Variants in CDH12 observed in about 807,000 individuals in gnomAD.
CDH12 encodes the protein cadherin 12.
A neutral mutation model predicts 74.1 loss-of-function variants in CDH12; 41 were observed. The observed-to-expected ratio is 0.55, with a 90% CI of 0.43 to 0.72. The LOEUF is 0.72. CDH12 is among the 30% of genes least tolerant of loss of function. CDH12 has a pLI of 0.00. For synonymous variants in CDH12, 399 were observed against 355.0 expected (o/e 1.12, Z -1.39); for missense variants, 945 against 977.2 (o/e 0.97, Z 0.44).
intron 5 of CDH12, among the ~76,000 whole-genome samples, chr5:22,061,189 A>C (rs1225708231): frequency 6.6e-6 from 1 of 152,202 alleles, no homozygotes; most frequent in Non-Finnish European, 1.5e-5. Context: ...AAATTTTCTT[A>C]TGAAATTTCT....
chr5:22,076,970 C>T (rs1424592357), intron 5 of CDH12, among the ~76,000 whole-genome samples: 1 of 151,930 alleles, frequency 6.6e-6, no homozygotes, highest in Non-Finnish European at 1.5e-5. Flanking sequence ...TGAGGTTGGC[C>T]CCGTGCCACT....
intron 2 of CDH12, among the ~76,000 whole-genome samples, chr5:22,426,636 T>C (rs1743952710): frequency 6.6e-6 from 1 of 152,156 alleles, no homozygotes; most frequent in Admixed American, 6.5e-5. Flanking sequence ...GGCATACAGA[T>C]GGATTTATTT....
chr5:22,779,319 T>C (rs1383831590), intron 1 of CDH12, among the ~76,000 whole-genome samples: 1 of 151,758 alleles, frequency 6.6e-6, no homozygotes, highest in Non-Finnish European at 1.5e-5. Flanking sequence ...TATAAACAAA[T>C]ACATTTCACA....
At chr5:22,657,046 C>T (rs1255889160) in intron 1 of CDH12, among the ~76,000 whole-genome samples, 1 of 152,022 alleles carries the variant, frequency 6.6e-6, no homozygotes, top group Non-Finnish European at 1.5e-5. Flanking sequence ...CCATGCCTGC[C>T]CACATTTTTA....
At chr5:22,661,017 A>G (rs1740318633) in intron 1 of CDH12, among the ~76,000 whole-genome samples, 1 of 152,174 alleles carries the variant, frequency 6.6e-6, no homozygotes. Context: ...GTAACTTTCT[A>G]AATTCTTTGT....
intron 3 of CDH12, among the ~76,000 whole-genome samples, chr5:22,324,164 CAA>C (rs1397485041): frequency 6.6e-6 from 1 of 151,958 alleles, no homozygotes; most frequent in Non-Finnish European, 1.5e-5. Flanking sequence ...TATAACAAAG[CAA>C]TTTTATTTAA....
At chr5:22,394,791 C>T (rs1742389156) in intron 3 of CDH12, among the ~76,000 whole-genome samples, 2 of 152,020 alleles carry the variant, frequency 1.3e-5, no homozygotes, top group African/African-American at 4.8e-5. Context: ...AGAAATTTTG[C>T]CTCAAGATGA....
intron 2 of CDH12, among the ~76,000 whole-genome samples, chr5:22,423,147 A>C (rs537791250): frequency 2.0e-5 from 3 of 150,902 alleles, no homozygotes; most frequent in Non-Finnish European, 2.9e-5. Context: ...TCTCCATCAC[A>C]ATTTGTGCTA....
At chr5:21,922,069 G>A (rs1310264904) in intron 6 of CDH12, among the ~76,000 whole-genome samples, 1 of 152,080 alleles carries the variant, frequency 6.6e-6, no homozygotes, top group African/African-American at 2.4e-5. Context: ...AGGTAGAAAC[G>A]TCTCTGTGAT....
chr5:22,848,008 T>C (rs1215619741), intron 1 of CDH12, among the ~76,000 whole-genome samples: 1 of 152,072 alleles, frequency 6.6e-6, no homozygotes, highest in African/African-American at 2.4e-5. Context: ...CTCAGCCTCC[T>C]GAGTAGCTGG....
At chr5:21,915,351 A>T (rs915121723) in intron 6 of CDH12, among the ~76,000 whole-genome samples, 17 of 152,186 alleles carry the variant, frequency 1.1e-4, no homozygotes, top group African/African-American at 4.1e-4. Context: ...ACAAACAAAA[A>T]AATTCAGGAA....
intron 4 of CDH12, among the ~76,000 whole-genome samples, chr5:22,192,897 G>T (rs1750388688): frequency 6.6e-6 from 1 of 152,196 alleles, no homozygotes; most frequent in African/African-American, 2.4e-5. Context: ...GCAAGAATTT[G>T]CTATACTTGC....
chr5:21,975,067 C>A (rs746911977), intron 6 of CDH12, 24 bp downstream of exon 6: 1 of 1,522,300 alleles, frequency 6.6e-7, no homozygotes, highest in South Asian at 1.2e-5. Context: ...TTGTATCTCA[C>A]AGAATTTTGA....
intron 3 of CDH12, among the ~76,000 whole-genome samples, chr5:22,298,854 G>T (rs954106652): frequency 1.3e-5 from 2 of 152,114 alleles, no homozygotes; most frequent in Admixed American, 1.3e-4. Flanking sequence ...TATCAACAAA[G>T]AAGTATTTGT....
chr5:22,575,666 G>A (rs1194016320), intron 1 of CDH12, among the ~76,000 whole-genome samples: 1 of 152,036 alleles, frequency 6.6e-6, no homozygotes, highest in Non-Finnish European at 1.5e-5. Flanking sequence ...CTGGGTTCAA[G>A]GGATTCACAT....
chr5:22,351,971 A>G lies in CDH12; in HGVS notation c.-333+53286T>C, dbSNP rs550144451. Among the ~76,000 whole-genome samples, 61 of 152,306 alleles carry G rather than the reference A, an allele frequency of 4.0e-4. No individual in the cohort carries two copies. In the South Asian group the frequency reaches 0.011, roughly 28 times the overall value. On this transcript the variant is annotated intron_variant, in intron 3 of 14. Coordinates refer to ENST00000382254, the MANE Select transcript of CDH12 (RefSeq NM_004061.5). The stretch of plus-strand genomic sequence containing the variant: ...AAAGCAGTTAAATCTTTGAGGAAAC[A>G]GAATAAATTTTATCTCACTGTCATA...
intron 6 of CDH12, among the ~76,000 whole-genome samples, chr5:21,930,933 A>T (rs1754807361): frequency 6.6e-6 from 1 of 152,196 alleles, no homozygotes. Context: ...ATTGAATCAC[A>T]TCCCATAACC....
At chr5:22,585,275 C>T (rs929485360) in intron 1 of CDH12, among the ~76,000 whole-genome samples, 1 of 152,034 alleles carries the variant, frequency 6.6e-6, no homozygotes, top group Non-Finnish European at 1.5e-5. Flanking sequence ...TCAGCGTAAC[C>T]GCCACTTGCT....
At chr5:22,598,128 T>C (rs1179482859) in intron 1 of CDH12, among the ~76,000 whole-genome samples, 1 of 152,198 alleles carries the variant, frequency 6.6e-6, no homozygotes, top group Non-Finnish European at 1.5e-5. Flanking sequence ...AGTGCTCAGA[T>C]GATGTAATGC....
Sources: gnomAD v4.1 joint callset for allele counts (sites outside exome capture counted in the v4.1 genomes callset) on GRCh38, gnomAD v4.1.1 for gene constraint, MANE v1.5 for transcripts, NCBI Gene and HGNC (gene_info 2026-07-23, HGNC 2026-07-21) for gene names.